The following RPL3 variants were observed in gnomAD, a reference collection of about 807,000 sequenced individuals.
The protein encoded by RPL3 is ribosomal protein L3.
RPL3 carries 3 observed loss-of-function variants against 46.0 expected under a neutral mutation model. That is an observed-to-expected ratio of 0.07 (90% CI 0.03 to 0.17). The LOEUF is 0.17. RPL3 is among the 10% of genes least tolerant of loss of function. RPL3 has a pLI of 1.00. For missense variants in RPL3, 387 were observed against 532.7 expected, an observed-to-expected ratio of 0.73 and a Z score of 2.69; for synonymous variants, 224 against 190.8, an observed-to-expected ratio of 1.17 and a Z score of -1.43.
At chr22:39,315,041 G>A (rs1269333848) in intron 5 of RPL3, 195 bp from the exon 6 acceptor site, 2 of 778,866 alleles carry the variant, frequency 2.6e-6, no homozygotes, top group Non-Finnish European at 4.1e-6. Context: ...TTCTGAATGG[G>A]TGCTTTTTAA....
chr22:39,317,013 C>G (rs763177338), intron 3 of RPL3, 172 bp from the exon 4 acceptor site: 12 of 962,736 alleles, frequency 1.2e-5, no homozygotes, highest in Non-Finnish European at 1.9e-5. Flanking sequence ...CGGGCAGAGC[C>G]GAGCGGAGCT....
chr22:39,318,916 A>C (rs1922872105), intron 1 of RPL3: 1 of 464,878 alleles, frequency 2.2e-6, no homozygotes, highest in South Asian at 1.6e-5. Context: ...CCAATTAGCA[A>C]GGTTTTGACC....
intron 6 of RPL3, 165 bp downstream of exon 6, chr22:39,314,521 T>C (rs1922557765): frequency 3.1e-5 from 27 of 878,138 alleles, no homozygotes; most frequent in Non-Finnish European, 4.3e-5. Context: ...GATGGCACCT[T>C]ACAAATCATC....
At chr22:39,314,881 C>CA in intron 5 of RPL3, 35 bp from the exon 6 acceptor site, 8 of 1,598,668 alleles carry the variant, frequency 5.0e-6, no homozygotes, top group Non-Finnish European at 6.8e-6. Flanking sequence ...CCTCAGCGCC[C>CA]AGCACCTCCC....
At position 39,315,115 on chromosome 22, in the gene RPL3, T is replaced by G. The variant is rs1922598230; in HGVS notation, c.688+254A>C. Reference sequence around the variant, plus strand: ...GACTAACATAATTCCAAGCTCCCCTTTGCAGTTATCAGTAGGCTACAAAGA... The same window carrying G: ...GACTAACATAATTCCAAGCTCCCCTGTGCAGTTATCAGTAGGCTACAAAGA... On this transcript the variant is annotated intron_variant, in intron 5 of 9. Transcript: ENST00000216146. The G allele has an allele frequency of 3.9e-6, 3 of 769,250 alleles. No individual in the cohort carries two copies. In the South Asian group the frequency reaches 4.3e-5, roughly 11 times the overall value. The allele number at this position is 769,250 out of a possible 1,614,324, so 47.7% of individuals were successfully genotyped here.
chr22:39,317,908 G>A, intron 2 of RPL3: 1 of 451,326 alleles, frequency 2.2e-6, no homozygotes, highest in Non-Finnish European at 4.0e-6. Flanking sequence ...CTATTTATCT[G>A]GAAAATTCAG....
chr22:39,316,235 G>C (rs974980440), intron 4 of RPL3, among the ~76,000 whole-genome samples: 1 of 42,228 alleles, frequency 2.4e-5, no homozygotes, highest in Non-Finnish European at 4.3e-5. Context: ...ACGAAATTCT[G>C]TCTCTAAAAA....
chr22:39,319,537 GCGGATTCAGCCGT>G, intron 1 of RPL3, 45 bp downstream of exon 1: 1 of 1,554,912 alleles, frequency 6.4e-7, no homozygotes, highest in Admixed American at 1.9e-5. Flanking sequence ...GCGATGCGTC[GCGGATTCAGCCGT>G]GCCGACGCCG....
chr22:39,317,632 G>A lies in RPL3; in HGVS notation c.197-3C>T. On this transcript the variant is annotated splice_region_variant and splice_polypyrimidine_tract_variant and intron_variant, in intron 2 of 9. Coordinates refer to ENST00000216146, the MANE Select transcript of RPL3 (RefSeq NM_000967.4). Reference sequence around the variant, plus strand: ...CACCACCTCCTTCTTGTTCACCTCTGCAAAAAAAAAGCAGTAGTCAGACTT... The same window carrying A: ...CACCACCTCCTTCTTGTTCACCTCTACAAAAAAAAAGCAGTAGTCAGACTT... The A allele has an allele frequency of 1.2e-6, 2 of 1,605,530 alleles. No individual in the cohort carries two copies. The highest frequency in any genetic ancestry group is 1.1e-5 in the South Asian group (1 of 90,232).
Position 39,316,851 on chromosome 22 carries a change from C to T in RPL3, c.366-10G>A, listed in dbSNP as rs775760154. ...CTTCTTAGATTTATGCCTTCAGGAG[C>T]AGAGCAGAGTTGGGGAGGGGACCAG... On this transcript the variant is annotated splice_polypyrimidine_tract_variant and intron_variant, in intron 3 of 9. Coordinates refer to ENST00000216146, the MANE Select transcript of RPL3 (RefSeq NM_000967.4). The T allele has an allele frequency of 3.1e-6, 5 of 1,613,654 alleles. No individual in the cohort carries two copies. Among genetic ancestry groups the T allele is most frequent in the South Asian group, 1.1e-5 (1 of 91,088 alleles).
intron 1 of RPL3, chr22:39,318,926 C>T: frequency 2.0e-6 from 1 of 489,086 alleles, no homozygotes; most frequent in South Asian, 1.5e-5. Flanking sequence ...AGGTTTTGAC[C>T]GCTAAAGAAA....
intron 8 of RPL3, 110 bp from the exon 9 acceptor site, chr22:39,313,420 C>A: frequency 6.6e-7 from 1 of 1,522,014 alleles, no homozygotes; most frequent in South Asian, 1.2e-5. Flanking sequence ...TCAGCCTCCC[C>A]CACCATCCGG....
intron 1 of RPL3, chr22:39,319,084 G>A (rs780779604): frequency 1.9e-6 from 1 of 537,668 alleles, no homozygotes; most frequent in South Asian, 1.4e-5. Flanking sequence ...CACAGTTTCT[G>A]TCCGCCCGTC....
chr22:39,314,928 T>C (rs527684382), intron 5 of RPL3, 82 bp from the exon 6 acceptor site: 62 of 1,551,640 alleles, frequency 4.0e-5, no homozygotes, highest in South Asian at 7.0e-5. Context: ...TTACCAACCA[T>C]GGCTGGGTCA....
At chr22:39,319,479 C>G in intron 1 of RPL3, 116 bp downstream of exon 1, 1 of 1,403,390 alleles carries the variant, frequency 7.1e-7, no homozygotes, top group South Asian at 1.2e-5. Context: ...CGCTGGGTCG[C>G]CCGTGCCCCT....
chr22:39,313,047 AGAG>A, intron 9 of RPL3, 63 bp from the exon 10 acceptor site: 1 of 1,610,986 alleles, frequency 6.2e-7, no homozygotes, highest in South Asian at 1.1e-5. Flanking sequence ...TGCCCACTCT[AGAG>A]GAGACCAAGA....
chr22:39,317,919 T>G (rs1922805106), intron 2 of RPL3: 3 of 439,262 alleles, frequency 6.8e-6, no homozygotes, highest in African/African-American at 2.0e-5. Flanking sequence ...GAAAATTCAG[T>G]GCCCTAACAA....
chr22:39,315,121 T>C, intron 5 of RPL3: 1 of 779,142 alleles, frequency 1.3e-6, no homozygotes, highest in Non-Finnish European at 2.3e-6. Context: ...CCCTTTGCAG[T>C]TATCAGTAGG....
chr22:39,314,231 A>C (rs371100633), intron 6 of RPL3, 23 bp from the exon 7 acceptor site: 2 of 1,602,906 alleles, frequency 1.2e-6, no homozygotes, highest in East Asian at 2.2e-5. Context: ...GAAGGGTGTA[A>C]GGCTGGGGCA....
Sources: allele counts gnomAD v4.1 joint callset (sites outside exome capture counted in the v4.1 genomes callset), GRCh38; gene constraint gnomAD v4.1.1; transcripts MANE v1.5; gene names NCBI Gene and HGNC (gene_info 2026-07-23, HGNC 2026-07-21).